The following DGKI variants were observed in gnomAD, a reference collection of about 807,000 sequenced individuals.
DGKI encodes the protein DAG kinase iota.
DGKI carries 55 observed loss-of-function variants against 147.5 expected under a neutral mutation model. The ratio of observed to expected loss-of-function variants is 0.37; its 90% CI spans 0.30 to 0.47. The LOEUF (loss-of-function observed/expected upper bound fraction) is 0.47. Ranked by LOEUF, DGKI falls within the 20% of genes least tolerant of loss-of-function variation. The probability of loss-of-function intolerance (pLI) is 1.00; values close to 1 mark genes in which losing one functional copy is unlikely to be tolerated. For missense variants in DGKI, 1,007 were observed against 1,323.8 expected (o/e 0.76, Z 3.71); for synonymous variants, 469 against 477.1 (o/e 0.98, Z 0.22).
chr7:137,566,325 G>A (rs1312106366), intron 19 of DGKI, among the ~76,000 whole-genome samples: 4 of 151,890 alleles, frequency 2.6e-5, no homozygotes, highest in African/African-American at 7.3e-5. Context: ...TTCAAGAAAT[G>A]TGAAATTGAA....
At chr7:137,582,361 A>G (rs1366433418) in intron 14 of DGKI, among the ~76,000 whole-genome samples, 1 of 151,972 alleles carries the variant, frequency 6.6e-6, no homozygotes, top group African/African-American at 2.4e-5. Flanking sequence ...ATATTCAGCA[A>G]ACCAATACTG....
At chr7:137,820,545 C>T (rs367748384) in intron 1 of DGKI, among the ~76,000 whole-genome samples, 1 of 152,150 alleles carries the variant, frequency 6.6e-6, no homozygotes. Flanking sequence ...AACAGGCGGG[C>T]AAATGCTGGG....
chr7:137,730,885 A>T (rs1331137450), intron 1 of DGKI, among the ~76,000 whole-genome samples: 1 of 152,062 alleles, frequency 6.6e-6, no homozygotes, highest in Non-Finnish European at 1.5e-5. Flanking sequence ...TAATAATTTT[A>T]CCTATCTCAC....
chr7:137,469,280 G>C (rs901735023), intron 24 of DGKI, among the ~76,000 whole-genome samples: 2 of 152,182 alleles, frequency 1.3e-5, no homozygotes, highest in Non-Finnish European at 2.9e-5. Flanking sequence ...TTTAAGAAAA[G>C]AGGGCTGATG....
At chr7:137,749,424 A>T (rs1795434776) in intron 1 of DGKI, among the ~76,000 whole-genome samples, 1 of 152,154 alleles carries the variant, frequency 6.6e-6, no homozygotes, top group South Asian at 2.1e-4. Flanking sequence ...GGCATCAAAA[A>T]GCTTGTACTT....
intron 3 of DGKI, 82 bp from the exon 4 acceptor site, chr7:137,656,622 A>G: frequency 8.0e-7 from 1 of 1,244,742 alleles, no homozygotes; most frequent in Non-Finnish European, 1.2e-6. Context: ...GTGGGCATAT[A>G]TAATAAATAC....
chr7:137,551,155 C>T lies in DGKI; in HGVS notation c.2147+1214G>A, dbSNP rs578055257. ...ATCTAGGAAAAATTCTGGGGGAAGT[C>T]CAGATTCTGGGAGAGAAGGAAGGAG... is the stretch of plus-strand genomic sequence containing the variant. On this transcript the variant is annotated intron_variant, in intron 20 of 32. Coordinates refer to ENST00000614521, the MANE Select transcript of DGKI (RefSeq NM_001321708.2). 9.9e-5 allele frequency among the ~76,000 whole-genome samples: 15 copies of T among 152,068 alleles called. No individual in the cohort carries two copies. The South Asian group carries it at 3.1e-3, about 32-fold the overall frequency.
At chr7:137,617,838 A>C (rs1820586474) in intron 8 of DGKI, among the ~76,000 whole-genome samples, 1 of 151,958 alleles carries the variant, frequency 6.6e-6, no homozygotes, top group Non-Finnish European at 1.5e-5. Flanking sequence ...TGTGAATCTC[A>C]AAAGAAAAAG....
intron 1 of DGKI, among the ~76,000 whole-genome samples, chr7:137,729,330 G>C (rs971092653): frequency 1.3e-5 from 2 of 152,126 alleles, no homozygotes; most frequent in African/African-American, 4.8e-5. Flanking sequence ...AAGGCTGGTA[G>C]ACCAGCAGCT....
chr7:137,843,749 AC>A (rs1027883572), intron 1 of DGKI, among the ~76,000 whole-genome samples: 4 of 120,816 alleles, frequency 3.3e-5, no homozygotes, highest in Admixed American at 9.9e-5. Flanking sequence ...AGCAGATGAG[AC>A]CCCCCTACAC....
At chr7:137,748,554 G>A (rs1376870873) in intron 1 of DGKI, among the ~76,000 whole-genome samples, 1 of 152,086 alleles carries the variant, frequency 6.6e-6, no homozygotes, top group East Asian at 1.9e-4. Flanking sequence ...TTTGACACAG[G>A]CACAGAGCAT....
chr7:137,625,097 C>T (rs956118956), intron 6 of DGKI, among the ~76,000 whole-genome samples: 1 of 152,216 alleles, frequency 6.6e-6, no homozygotes, highest in African/African-American at 2.4e-5. Flanking sequence ...ACCTCCTTCT[C>T]AAAAACCTAA....
intron 28 of DGKI, among the ~76,000 whole-genome samples, chr7:137,438,960 T>C (rs972115721): frequency 6.6e-6 from 1 of 152,108 alleles, no homozygotes; most frequent in Non-Finnish European, 1.5e-5. Context: ...AAGATATGCA[T>C]ATATGTAGTA....
chr7:137,585,933 T>C, intron 13 of DGKI, among the ~76,000 whole-genome samples: 1 of 152,124 alleles, frequency 6.6e-6, no homozygotes, highest in East Asian at 1.9e-4. Flanking sequence ...TATGCAAGGC[T>C]CTGATTTGGA....
At chr7:137,647,303 C>G (rs1226575714) in intron 5 of DGKI, among the ~76,000 whole-genome samples, 5 of 151,792 alleles carry the variant, frequency 3.3e-5, no homozygotes, top group African/African-American at 1.2e-4. Flanking sequence ...GTTTAGTGCC[C>G]CTACCATCTC....
At chr7:137,506,433 T>G (rs1816370998) in intron 21 of DGKI, among the ~76,000 whole-genome samples, 1 of 152,156 alleles carries the variant, frequency 6.6e-6, no homozygotes. Context: ...TAATCAGTGG[T>G]TGCCAAGGGC....
chr7:137,466,813 C>T (rs1355000317), intron 25 of DGKI, 89 bp downstream of exon 25: 18 of 1,394,072 alleles, frequency 1.3e-5, no homozygotes, highest in South Asian at 2.3e-5. Flanking sequence ...CAGTGGTTTT[C>T]GTTAGAAAAA....
intron 21 of DGKI, among the ~76,000 whole-genome samples, chr7:137,491,885 G>C (rs1815775989): frequency 6.6e-6 from 1 of 152,224 alleles, no homozygotes; most frequent in Non-Finnish European, 1.5e-5. Context: ...GCAGATCCTA[G>C]AAGCAGGTCT....
intron 1 of DGKI, among the ~76,000 whole-genome samples, chr7:137,835,413 G>A (rs1439505775): frequency 6.6e-6 from 1 of 152,096 alleles, no homozygotes; most frequent in Non-Finnish European, 1.5e-5. Context: ...AAATCACTGA[G>A]CTACAGAAGC....
Sources: allele counts gnomAD v4.1 joint callset (sites outside exome capture counted in the v4.1 genomes callset), GRCh38; gene constraint gnomAD v4.1.1; transcripts MANE v1.5; gene names NCBI Gene and HGNC (gene_info 2026-07-23, HGNC 2026-07-21).